CACNA1H: variants seen among roughly 807,000 people sequenced by gnomAD.
CACNA1H encodes voltage-dependent T-type calcium channel subunit alpha-1H.
Under a neutral mutation model 192.5 loss-of-function variants are expected in CACNA1H, and 149 were observed. That is an observed-to-expected ratio of 0.77 (90% CI 0.68 to 0.89). CACNA1H has a LOEUF of 0.89. Among genes scored for constraint, CACNA1H ranks in the 40% least tolerant of loss-of-function variants. The probability of loss-of-function intolerance (pLI) is 0.00; values close to 1 mark genes in which losing one functional copy is unlikely to be tolerated. For synonymous variants in CACNA1H, 2,202 were observed against 1,475.2 expected, an observed-to-expected ratio of 1.49 and a Z score of -11.29; for missense variants, 4,257 against 3,423.5, an observed-to-expected ratio of 1.24 and a Z score of -6.08.
At position 1,205,135 on chromosome 16, in the gene CACNA1H, C is replaced by G. The variant is rs1451005461; in HGVS notation, c.2473C>G (p.Leu825Val). ...GCAGCCCGAGGAGCTGACTAATGCT[C>G]TGGAGATCAGCAACATCGTGTTCAC... ...HEQPEELTNA[L>V]EISNIVFTSM... Residue 825 changes from leucine to valine, a missense_variant, in exon 11 of 35, where the codon CTG (leucine) becomes GTG (valine). Coordinates refer to ENST00000348261, the MANE Select transcript of CACNA1H (RefSeq NM_021098.3). 7 of 1,612,532 alleles carry G rather than the reference C, an allele frequency of 4.3e-6. No homozygotes were observed. Among genetic ancestry groups the G allele is most frequent in the Non-Finnish European group, 4.2e-6 (5 of 1,179,758 alleles).
chr16:1,172,594 C>A (rs1407053110), intron 2 of CACNA1H, among the ~76,000 whole-genome samples: 2 of 152,194 alleles, frequency 1.3e-5, no homozygotes, highest in African/African-American at 2.4e-5. Flanking sequence ...ACCGCTGGAT[C>A]CTAGCAGGAG....
At chr16:1,160,437 G>T (rs1476682560) in intron 2 of CACNA1H, among the ~76,000 whole-genome samples, 2 of 152,196 alleles carry the variant, frequency 1.3e-5, no homozygotes, top group Admixed American at 6.5e-5. Flanking sequence ...CAGAGATGGT[G>T]GGGGCGGGGC....
At chr16:1,182,282 C>T (rs1408366144) in intron 2 of CACNA1H, among the ~76,000 whole-genome samples, 1 of 152,192 alleles carries the variant, frequency 6.6e-6, no homozygotes, top group Non-Finnish European at 1.5e-5. Context: ...GGGCCGCTCT[C>T]TGTGGGGCCA....
chr16:1,200,160 T>A, intron 6 of CACNA1H, 96 bp from the exon 7 acceptor site: 1 of 1,006,446 alleles, frequency 9.9e-7, no homozygotes, highest in South Asian at 1.6e-5. Flanking sequence ...ATCACGTCCC[T>A]GACCTTGATC....
At chr16:1,182,276 C>T (rs1431425097) in intron 2 of CACNA1H, among the ~76,000 whole-genome samples, 6 of 152,102 alleles carry the variant, frequency 3.9e-5, no homozygotes, top group East Asian at 1.9e-4. Context: ...AGGCCAGGGC[C>T]GCTCTCTGTG....
rs375894182 is a variant in CACNA1H at position 1,200,481 on chromosome 16, C to T, written c.1029C>T (p.Tyr343=). The T allele has an allele frequency of 2.9e-5, 47 of 1,612,178 alleles. No homozygotes were observed. Among genetic ancestry groups the T allele is most frequent in the African/African-American group, 2.3e-4 (17 of 75,048 alleles). The stretch of plus-strand genomic sequence containing the variant: ...ACGCCTGCATCAACTGGAACCAGTA[C>T]TACAACGTGTGCCGCTCGGGTGACT... The part of the protein sequence containing the change: ...ARNACINWNQ[Y]YNVCRSGDSN... Residue 343 remains tyrosine (Y), a synonymous_variant, in exon 7 of 35, where the codon TAC becomes TAT. Transcript: ENST00000348261.
chr16:1,162,687 G>T (rs1258599873), intron 2 of CACNA1H, among the ~76,000 whole-genome samples: 1 of 150,678 alleles, frequency 6.6e-6, no homozygotes, highest in East Asian at 2.0e-4. Context: ...TTGGGACCCT[G>T]TGAAGGGGTC....
At chr16:1,158,570 C>T (rs1962746330) in intron 2 of CACNA1H, among the ~76,000 whole-genome samples, 1 of 152,212 alleles carries the variant, frequency 6.6e-6, no homozygotes, top group South Asian at 2.1e-4. Flanking sequence ...GTGACGCCAG[C>T]AGGCTGAGCT....
At chr16:1,187,896 A>G (rs1966231616) in intron 2 of CACNA1H, among the ~76,000 whole-genome samples, 1 of 151,800 alleles carries the variant, frequency 6.6e-6, no homozygotes, top group Non-Finnish European at 1.5e-5. Flanking sequence ...ATCTGTCCTG[A>G]CCTTCCTTCG....
Position 1,221,632 on chromosome 16 carries a change from C to G in CACNA1H, c.*638C>G, listed in dbSNP as rs749918173. 4 of 849,356 alleles carry G rather than the reference C, an allele frequency of 4.7e-6. No individual in the cohort carries two copies. The highest frequency in any genetic ancestry group is 5.3e-6 in the Non-Finnish European group (3 of 567,190). 52.6% of individuals were successfully genotyped at this position (849,356 alleles called of 1,614,324 possible). A position where few individuals can be genotyped will look rare whatever the true frequency, so the allele number is the denominator to read the frequency against. On this transcript the variant is annotated 3_prime_UTR_variant, in exon 35 of 35. Transcript: ENST00000348261. ...CCCCTACATCTGGGGGCGTTGGCCG[C>G]GAGATTCCCATTGACACCTTTGTTT...
intron 2 of CACNA1H, among the ~76,000 whole-genome samples, chr16:1,166,302 C>A (rs1445367752): frequency 6.6e-6 from 1 of 152,184 alleles, no homozygotes; most frequent in Non-Finnish European, 1.5e-5. Context: ...CAGGAGCTCC[C>A]TGTGGCTCAG....
At chr16:1,213,676 A>T (rs1969722821) in intron 26 of CACNA1H, 104 bp from the exon 27 acceptor site, 2 of 840,840 alleles carry the variant, frequency 2.4e-6, no homozygotes, top group East Asian at 5.5e-5. Flanking sequence ...TGGGCCCCCA[A>T]CTTCTACCCT....
Position 1,201,591 on chromosome 16 carries a change from G to T in CACNA1H, c.1213-72G>T, listed in dbSNP as rs565943695. 34 of 1,479,130 alleles carry T rather than the reference G, an allele frequency of 2.3e-5. No homozygotes were observed. In the East Asian group the frequency reaches 7.7e-4, roughly 33 times the overall value. The allele number at this position is 1,479,130 out of a possible 1,614,324, so 91.6% of individuals were successfully genotyped here. ...CGCGGCCCCCACTCGAACAGGCAGC[G>T]CACAGTAGGGCTCAGTGGCGAATCA... On this transcript the variant is annotated intron_variant, in intron 8 of 34. Coordinates refer to ENST00000348261, the MANE Select transcript of CACNA1H (RefSeq NM_021098.3).
In CACNA1H at chr16:1,210,082, G is replaced by T. The variant is rs200228767; in HGVS notation, c.3792G>T (p.Gln1264His). The change falls in exon 18 of 35, where the codon CAG becomes CAT. Residue 1264 changes from glutamine (Q) to histidine (H), a missense_variant. Coordinates refer to ENST00000348261, the MANE Select transcript of CACNA1H (RefSeq NM_021098.3). ...AAGTGCTGGAGCCCTACAAGCCCCA[G>T]TGGTGCCGGAGCCGCGAGGCCTGGG... Reference protein sequence around the residue: ...LHKVLEPYKPQWCRSREAWAL... With the variant: ...LHKVLEPYKPHWCRSREAWAL... 1,038 of 1,559,858 alleles carry T rather than the reference G, an allele frequency of 6.7e-4. 3 individuals carry two copies. The highest frequency in any genetic ancestry group is 1.7e-3 in the Admixed American group (91 of 52,684).
intron 5 of CACNA1H, among the ~76,000 whole-genome samples, chr16:1,198,178 C>T (rs1204693544): frequency 1.3e-5 from 2 of 152,134 alleles, no homozygotes; most frequent in Non-Finnish European, 2.9e-5. Flanking sequence ...TTCAGGGTGT[C>T]GCCAGACAAG....
chr16:1,215,611 C>T lies in CACNA1H; in HGVS notation c.5244+18C>T. On this transcript the variant is annotated intron_variant, in intron 30 of 34. Transcript: ENST00000348261. ...TCCCCCAGGTAGGTGGAGCCCGCGC[C>T]ATCCTCAGCGCAGGCCCCCGGAAGA... is the stretch of plus-strand genomic sequence containing the variant. The T allele has an allele frequency of 6.2e-7, 1 of 1,603,636 alleles. No homozygotes were observed. Among genetic ancestry groups the T allele is most frequent in the East Asian group, 2.2e-5 (1 of 44,510 alleles).
rs1340237267 is a variant in CACNA1H, at chr16:1,201,884, C to G, written c.1434C>G (p.Leu478=). Residue 478 remains leucine (L), a synonymous_variant, in exon 9 of 35, where the codon CTC becomes CTG. Coordinates refer to ENST00000348261, the MANE Select transcript of CACNA1H (RefSeq NM_021098.3). The stretch of plus-strand genomic sequence containing the variant: ...AGGTCAAGCGGCGCAGCTTGCGCCT[C>G]TACGCCCGCTGGCAGAGCCGCTGGC... ...FRKVKRRSLR[L]YARWQSRWRK... The G allele has an allele frequency of 1.3e-6, 2 of 1,552,172 alleles. No individual in the cohort carries two copies. Among genetic ancestry groups the G allele is most frequent in the Admixed American group, 3.9e-5 (2 of 51,190 alleles).
intron 2 of CACNA1H, among the ~76,000 whole-genome samples, chr16:1,158,294 A>T (rs1181961413): frequency 6.6e-6 from 1 of 152,080 alleles, no homozygotes; most frequent in African/African-American, 2.4e-5. Flanking sequence ...CTTCCCACTC[A>T]CCAAGAGCTG....
At chr16:1,208,956 CAGTG>C (rs1368718969) in intron 16 of CACNA1H, 72 bp from the exon 17 acceptor site, 4 of 1,343,418 alleles carry the variant, frequency 3.0e-6, no homozygotes, top group African/African-American at 3.1e-5. Context: ...GGCTTGCACA[CAGTG>C]GGTGCTCCGT....
Sources: gnomAD v4.1 joint callset for allele counts (sites outside exome capture counted in the v4.1 genomes callset) on GRCh38, gnomAD v4.1.1 for gene constraint, MANE v1.5 for transcripts, NCBI Gene and HGNC (gene_info 2026-07-23, HGNC 2026-07-21) for gene names.